Variants in SLC25A26 observed in about 807,000 individuals in gnomAD.
SLC25A26 encodes solute carrier family 25 member 26.
SLC25A26 carries 36 observed loss-of-function variants against 37.8 expected under a neutral mutation model. That is an observed-to-expected ratio of 0.95 (90% CI 0.73 to 1.26). SLC25A26 has a LOEUF of 1.26. SLC25A26 is among the 50% of genes most tolerant of loss of function. The probability of loss-of-function intolerance (pLI) is 0.00; values close to 1 mark genes in which losing one functional copy is unlikely to be tolerated. For missense variants in SLC25A26, 390 were observed against 331.1 expected (o/e 1.18, Z -1.38); for synonymous variants, 129 against 122.5 (o/e 1.05, Z -0.35).
At chr3:66,321,369 C>T (rs1401889426) in intron 5 of SLC25A26, among the ~76,000 whole-genome samples, 1 of 152,116 alleles carries the variant, frequency 6.6e-6, no homozygotes, top group Non-Finnish European at 1.5e-5. Flanking sequence ...GCAGTGTTAT[C>T]CCTTCTGGAA....
chr3:66,174,300 G>A (rs924695576), intron 1 of SLC25A26, among the ~76,000 whole-genome samples: 1 of 152,142 alleles, frequency 6.6e-6, no homozygotes, highest in Non-Finnish European at 1.5e-5. Context: ...ACAGAGCTTA[G>A]AACACCCATA....
intron 1 of SLC25A26, among the ~76,000 whole-genome samples, chr3:66,156,678 T>A (rs1489226370): frequency 2.6e-5 from 4 of 152,126 alleles, no homozygotes; most frequent in Non-Finnish European, 5.9e-5. Context: ...ACAACCAGGC[T>A]CTGGGGCCAC....
At chr3:66,267,851 T>G (rs200294441) in intron 5 of SLC25A26, among the ~76,000 whole-genome samples, 60 of 152,278 alleles carry the variant, frequency 3.9e-4, no homozygotes, top group African/African-American at 1.4e-3. Flanking sequence ...TCCCTTAATA[T>G]CCATGTTAGG....
rs782767663 is a variant in SLC25A26, at chr3:66,221,108, G to C, written c.14G>C (p.Gly5Ala). The C allele has an allele frequency of 2.6e-6, 4 of 1,531,960 alleles. No homozygotes were observed. In the African/African-American group the frequency reaches 5.5e-5, roughly 21 times the overall value. 94.9% of individuals were successfully genotyped at this position (1,531,960 alleles called of 1,614,324 possible). Residue 5 changes from glycine to alanine, a missense_variant, in exon 1 of 10, where the codon GGG becomes GCG. Transcript: ENST00000354883. MDRP[G>A]FVAALVAGGV... ...GTCTGAGCGACCATGGACCGGCCGG[G>C]GTTCGTGGCAGCGCTGGTGGTGAGT...
At chr3:66,304,893 C>G (rs575991246) in intron 5 of SLC25A26, among the ~76,000 whole-genome samples, 1 of 152,194 alleles carries the variant, frequency 6.6e-6, no homozygotes. Context: ...CCAAAAAGAC[C>G]TGATAAACTC....
chr3:66,234,026 G>A lies in SLC25A26; in HGVS notation c.34-2518G>A, dbSNP rs1224708189. Among the ~76,000 whole-genome samples the A allele has an allele frequency of 5.3e-5, 8 of 152,118 alleles. No individual in the cohort carries two copies. The South Asian group carries it at 8.3e-4, about 16-fold the overall frequency. The stretch of plus-strand genomic sequence containing the variant: ...TAATCTAGTCGCACGAGACATTTTC[G>A]CCAGGGTTCTATTCTCTCTGTATTT... On this transcript the variant is annotated intron_variant, in intron 1 of 9. Coordinates refer to ENST00000354883, the MANE Select transcript of SLC25A26 (RefSeq NM_001379210.1).
intron 3 of SLC25A26, among the ~76,000 whole-genome samples, chr3:66,252,640 A>G (rs1337181697): frequency 6.6e-6 from 1 of 152,236 alleles, no homozygotes; most frequent in Non-Finnish European, 1.5e-5. Context: ...CTGACACACA[A>G]AATATTGAAT....
intron 1 of SLC25A26, among the ~76,000 whole-genome samples, chr3:66,166,817 T>C (rs1215308894): frequency 1.3e-5 from 2 of 152,194 alleles, no homozygotes; most frequent in Non-Finnish European, 2.9e-5. Flanking sequence ...TGATATAGTT[T>C]GGCTCTATCT....
chr3:66,371,006 C>G (rs1019543957), intron 9 of SLC25A26, among the ~76,000 whole-genome samples: 19 of 152,214 alleles, frequency 1.2e-4, no homozygotes, highest in African/African-American at 4.6e-4. Context: ...TTTGAACATA[C>G]CATAGTGCAG....
intron 1 of SLC25A26, among the ~76,000 whole-genome samples, chr3:66,151,991 T>C (rs770816973): frequency 3.3e-5 from 5 of 152,184 alleles, no homozygotes; most frequent in Non-Finnish European, 7.3e-5. Flanking sequence ...ATGGATGAAA[T>C]AGAGGTGTTA....
intron 1 of SLC25A26, among the ~76,000 whole-genome samples, chr3:66,175,130 TATATATATATACAC>T (rs748424300): frequency 7.5e-4 from 70 of 93,560 alleles, no homozygotes; most frequent in East Asian, 3.9e-3. Context: ...TATATATATA[TATATATATATACAC>T]ACACACACAC....
At chr3:66,374,501 GAC>G (rs1415974539) in intron 9 of SLC25A26, among the ~76,000 whole-genome samples, 1 of 152,180 alleles carries the variant, frequency 6.6e-6, no homozygotes, top group Non-Finnish European at 1.5e-5. Flanking sequence ...TATTCTGTGA[GAC>G]ACAATATTGC....
rs151171015 is a variant in SLC25A26 at position 66,289,128 on chromosome 3, T to C, written c.453+25749T>C. On this transcript the variant is annotated intron_variant, in intron 5 of 9. Transcript: ENST00000354883. ...TTGTTGGCCACATAAATGTCTTTTT[T>C]TGAGAAGTGTCTGTTCATATCCTTT... Among the ~76,000 whole-genome samples the C allele has an allele frequency of 2.9e-3, 437 of 152,368 alleles. 4 individuals carry two copies. The highest frequency in any genetic ancestry group is 0.01 in the African/African-American group (422 of 41,586).
intron 3 of SLC25A26, among the ~76,000 whole-genome samples, chr3:66,261,276 G>A (rs530027872): frequency 2.0e-5 from 3 of 152,264 alleles, no homozygotes; most frequent in East Asian, 3.9e-4. Flanking sequence ...CTCCCTCCCT[G>A]TACCTTGCCA....
intron 1 of SLC25A26, among the ~76,000 whole-genome samples, chr3:66,181,582 G>A (rs2070706948): frequency 1.3e-5 from 2 of 152,110 alleles, no homozygotes; most frequent in South Asian, 4.1e-4. Flanking sequence ...TATGAGATTA[G>A]TTGGGAAGGA....
chr3:66,305,833 G>A (rs1361562993), intron 5 of SLC25A26, among the ~76,000 whole-genome samples: 1 of 152,100 alleles, frequency 6.6e-6, no homozygotes, highest in Non-Finnish European at 1.5e-5. Flanking sequence ...TGGGATTGCT[G>A]GGTCAAATGG....
Position 66,352,421 on chromosome 3 carries a change from G to GTTTTTTT in SLC25A26, c.498+6019_498+6020insTTTTTTT, listed in dbSNP as rs1379958045. Among the ~76,000 whole-genome samples the GTTTTTTT allele has an allele frequency of 2.8e-4, 35 of 126,528 alleles. 3 individuals are homozygous for GTTTTTTT. The highest frequency in any genetic ancestry group is 1.3e-3 in the African/African-American group (34 of 26,934). The allele number at this position is 126,528 out of a possible 152,430, so 83.0% of individuals were successfully genotyped here. A position where few individuals can be genotyped will look rare whatever the true frequency, so the allele number is the denominator to read the frequency against. On this transcript the variant is annotated intron_variant, in intron 6 of 9. Coordinates refer to ENST00000354883, the MANE Select transcript of SLC25A26 (RefSeq NM_001379210.1). The stretch of plus-strand genomic sequence containing the variant: ...GTGCTGCTGCCTAGCGCCTCCCCTC[G>GTTTTTTT]TTTTTTGTTTTTTGTTTTTTGTTTT...
chr3:66,243,299 C>T lies in SLC25A26; in HGVS notation c.287C>T (p.Ser96Phe). 6.3e-7 allele frequency: 1 copy of T among 1,595,716 alleles called. No homozygotes were observed. Among genetic ancestry groups the T allele is most frequent in the African/African-American group, 1.3e-5 (1 of 74,738 alleles). ...CCTATGAAACATATGTTGGCTGCCT[C>T]TGCTGGAGAAGTGGTAAGTAACAAG... ...LTPMKHMLAASAGEVVACLIR... is the reference protein window; with the variant it reads ...LTPMKHMLAAFAGEVVACLIR... Residue 96 changes from serine (S) to phenylalanine (F), a missense_variant, in exon 3 of 10, where the codon TCT becomes TTT. Physicochemically the swap from Ser to Phe is radical, Grantham distance 155. Transcript: ENST00000354883.
At chr3:66,171,038 C>A (rs1177157151) in intron 1 of SLC25A26, among the ~76,000 whole-genome samples, 1 of 151,522 alleles carries the variant, frequency 6.6e-6, no homozygotes, top group Non-Finnish European at 1.5e-5. Flanking sequence ...CTCCTGACCT[C>A]GTGATCCGCC....
Sources: gnomAD v4.1 joint callset for allele counts (sites outside exome capture counted in the v4.1 genomes callset) on GRCh38, gnomAD v4.1.1 for gene constraint, MANE v1.5 for transcripts, NCBI Gene and HGNC (gene_info 2026-07-23, HGNC 2026-07-21) for gene names.